The following CNTNAP2 variants were observed in gnomAD, a reference collection of about 807,000 sequenced individuals.
The protein encoded by CNTNAP2 is contactin-associated protein-like 2.
In CNTNAP2, 98 loss-of-function variants were observed where a neutral mutation model predicts 155.2. That is an observed-to-expected ratio of 0.63 (90% CI 0.54 to 0.75). The LOEUF (loss-of-function observed/expected upper bound fraction) is 0.75, where lower values mean the gene tolerates loss of function less well. Ranked by LOEUF, CNTNAP2 falls within the 30% of genes least tolerant of loss-of-function variation. The probability of loss-of-function intolerance (pLI) is 0.00; values close to 1 mark genes in which losing one functional copy is unlikely to be tolerated. For synonymous variants in CNTNAP2, 651 were observed against 631.2 expected (o/e 1.03, Z -0.47); for missense variants, 1,727 against 1,688.1 (o/e 1.02, Z -0.40).
rs185520780 is a variant in CNTNAP2, at chr7:147,957,592, G to A, written c.2256-20270G>A. On this transcript the variant is annotated intron_variant, in intron 14 of 23. Transcript: ENST00000361727. ...AGATGCTCAAAGAAATGGGAGGTTCGTAGGTCACTGTGGTCCAGAATTGCA... is the reference window on the plus strand; with the variant it reads ...AGATGCTCAAAGAAATGGGAGGTTCATAGGTCACTGTGGTCCAGAATTGCA... Among the ~76,000 whole-genome samples, 9 of 152,272 alleles carry A rather than the reference G, an allele frequency of 5.9e-5. No individual in the cohort carries two copies. The East Asian group carries it at 1.7e-3, about 29-fold the overall frequency.
At chr7:147,917,533 A>G (rs1211654662) in intron 14 of CNTNAP2, among the ~76,000 whole-genome samples, 4 of 152,220 alleles carry the variant, frequency 2.6e-5, no homozygotes, top group East Asian at 1.9e-4. Flanking sequence ...GAGAGGAAAG[A>G]GAGCATGCCT....
intron 10 of CNTNAP2, among the ~76,000 whole-genome samples, chr7:147,415,081 C>G (rs1408756318): frequency 6.6e-6 from 1 of 152,048 alleles, no homozygotes; most frequent in Admixed American, 6.6e-5. Flanking sequence ...GTTCTAGACT[C>G]CCCTCAGCCA....
At chr7:148,337,313 CCCTGACCCG>C (rs1798137538) in intron 21 of CNTNAP2, among the ~76,000 whole-genome samples, 1 of 152,076 alleles carries the variant, frequency 6.6e-6, no homozygotes, top group African/African-American at 2.4e-5. Flanking sequence ...TATCCTGATG[CCCTGACCCG>C]CCTGCCCACA....
intron 1 of CNTNAP2, among the ~76,000 whole-genome samples, chr7:146,756,119 G>A (rs975263393): frequency 1.2e-4 from 18 of 151,700 alleles, no homozygotes; most frequent in Admixed American, 3.3e-4. Context: ...GATCTACTCC[G>A]TTGGTTTACA....
At chr7:147,378,202 A>C (rs1416978914) in intron 9 of CNTNAP2, 1 of 293,980 alleles carries the variant, frequency 3.4e-6, no homozygotes, top group African/African-American at 2.3e-5. Flanking sequence ...GTCGATATTC[A>C]ATCTACCTTT....
intron 15 of CNTNAP2, among the ~76,000 whole-genome samples, chr7:148,078,064 ATT>A (rs764983664): frequency 8.0e-5 from 12 of 150,806 alleles, no homozygotes; most frequent in Non-Finnish European, 1.5e-4. Context: ...AAACATAATC[ATT>A]GTTTTGTTTT....
intron 1 of CNTNAP2, among the ~76,000 whole-genome samples, chr7:146,253,330 C>T (rs549807007): frequency 9.2e-5 from 14 of 152,214 alleles, no homozygotes; most frequent in South Asian, 4.1e-4. Flanking sequence ...CTCTTCTAGA[C>T]GCAGTCCTCT....
At chr7:147,513,493 G>A (rs1799058049) in intron 11 of CNTNAP2, among the ~76,000 whole-genome samples, 1 of 152,176 alleles carries the variant, frequency 6.6e-6, no homozygotes, top group African/African-American at 2.4e-5. Context: ...TCACCTCGCT[G>A]GGGATTGCTG....
At chr7:146,878,376 T>C (rs916379343) in intron 3 of CNTNAP2, among the ~76,000 whole-genome samples, 1 of 151,934 alleles carries the variant, frequency 6.6e-6, no homozygotes, top group African/African-American at 2.4e-5. Flanking sequence ...GCTAGTCACT[T>C]AGGAATATTT....
At chr7:147,323,636 G>A (rs371431885) in intron 9 of CNTNAP2, among the ~76,000 whole-genome samples, 8,043 of 151,826 alleles carry the variant, frequency 0.053, 277 homozygotes, top group African/African-American at 0.1. Flanking sequence ...TATCCTTGTT[G>A]ACTTTCTGTC....
chr7:147,009,402 T>C (rs1454079991), intron 3 of CNTNAP2, among the ~76,000 whole-genome samples: 1 of 152,178 alleles, frequency 6.6e-6, no homozygotes, highest in Non-Finnish European at 1.5e-5. Context: ...GGTTATTATA[T>C]GGTAGCAGTT....
In CNTNAP2 at chr7:146,561,248, A is replaced by G. The variant is rs115260424; in HGVS notation, c.98-213023A>G. ...TCAATAAGACTTTTCAACCACCCCC[A>G]AAGGTAATATCTAAATTGTACAACC... On this transcript the variant is annotated intron_variant, in intron 1 of 23. Coordinates refer to ENST00000361727, the MANE Select transcript of CNTNAP2 (RefSeq NM_014141.6). Among the ~76,000 whole-genome samples the G allele has an allele frequency of 4.6e-3, 698 of 152,258 alleles. 5 individuals are homozygous for G. Among genetic ancestry groups the G allele is most frequent in the African/African-American group, 0.016 (651 of 41,548 alleles).
intron 1 of CNTNAP2, among the ~76,000 whole-genome samples, chr7:146,433,603 C>T: frequency 6.6e-6 from 1 of 152,016 alleles, no homozygotes; most frequent in African/African-American, 2.4e-5. Flanking sequence ...TCATCTATAT[C>T]ATAGTGGAGG....
intron 3 of CNTNAP2, among the ~76,000 whole-genome samples, chr7:147,005,178 A>G (rs1798503208): frequency 6.6e-6 from 1 of 152,062 alleles, no homozygotes; most frequent in African/African-American, 2.4e-5. Context: ...GAGGTGTGAC[A>G]TAGTTATTTT....
At chr7:146,426,023 T>C (rs1034412175) in intron 1 of CNTNAP2, among the ~76,000 whole-genome samples, 1 of 151,204 alleles carries the variant, frequency 6.6e-6, no homozygotes, top group South Asian at 2.1e-4. Flanking sequence ...CCATCTCTAC[T>C]AAAAATACAA....
In CNTNAP2 at chr7:146,381,476, T is replaced by A. The variant is rs1584898478; in HGVS notation, c.97+264503T>A. On this transcript the variant is annotated intron_variant, in intron 1 of 23. Transcript: ENST00000361727. Reference sequence around the variant, plus strand: ...CCTTGGGGAGGTCATTTAAACTCTTTGTGCCTGCTTCTTCATTTGTAAAAT... The same window carrying A: ...CCTTGGGGAGGTCATTTAAACTCTTAGTGCCTGCTTCTTCATTTGTAAAAT... Among the ~76,000 whole-genome samples, 3 of 152,226 alleles carry A rather than the reference T, an allele frequency of 2.0e-5. No homozygotes were observed. In the East Asian group the frequency reaches 5.8e-4, roughly 29 times the overall value.
At chr7:147,666,171 G>T (rs1304005198) in intron 13 of CNTNAP2, among the ~76,000 whole-genome samples, 1 of 152,116 alleles carries the variant, frequency 6.6e-6, no homozygotes, top group South Asian at 2.1e-4. Flanking sequence ...AAAATCACCC[G>T]AAATATACTA....
At chr7:146,774,520 C>A in intron 2 of CNTNAP2, 139 bp downstream of exon 2, 2 of 659,046 alleles carry the variant, frequency 3.0e-6, no homozygotes, top group South Asian at 3.3e-5. Context: ...TTAAAAGATC[C>A]ATAGATGCCA....
At chr7:147,926,140 A>G (rs1294258470) in intron 14 of CNTNAP2, among the ~76,000 whole-genome samples, 3 of 152,164 alleles carry the variant, frequency 2.0e-5, no homozygotes, top group Non-Finnish European at 4.4e-5. Flanking sequence ...CTTCAAATGG[A>G]GTCTTATTTG....
Sources: allele counts gnomAD v4.1 joint callset (sites outside exome capture counted in the v4.1 genomes callset), GRCh38; gene constraint gnomAD v4.1.1; transcripts MANE v1.5; gene names NCBI Gene and HGNC (gene_info 2026-07-23, HGNC 2026-07-21).